The following NRP1 variants were observed in gnomAD, a reference collection of about 807,000 sequenced individuals.
NRP1 encodes neuropilin-1.
In NRP1, 35 loss-of-function variants were observed where a neutral mutation model predicts 106.7. The ratio of observed to expected loss-of-function variants is 0.33; its 90% CI spans 0.25 to 0.43. The LOEUF is 0.43. Ranked by LOEUF, NRP1 falls within the 20% of genes least tolerant of loss-of-function variation. The pLI, the probability that NRP1 is intolerant of heterozygous loss-of-function variation, is 1.00. For missense variants in NRP1, 1,024 were observed against 1,170.4 expected, an observed-to-expected ratio of 0.87 and a Z score of 1.83; for synonymous variants, 437 against 417.9, an observed-to-expected ratio of 1.05 and a Z score of -0.56.
At chr10:33,194,700 A>G (rs919194533) in intron 12 of NRP1, 1 of 517,332 alleles carries the variant, frequency 1.9e-6, no homozygotes, top group East Asian at 5.5e-5. Flanking sequence ...TTGGTTATTT[A>G]AAGGATATGT....
chr10:33,188,453 C>T (rs997963118), intron 13 of NRP1, among the ~76,000 whole-genome samples: 1 of 152,152 alleles, frequency 6.6e-6, no homozygotes, highest in African/African-American at 2.4e-5. Flanking sequence ...GTGCCCAACA[C>T]AGCACCTGCC....
rs1588889788 is a variant in NRP1 at position 33,270,723 on chromosome 10, C to T, written c.382G>A (p.Glu128Lys). 2 of 1,613,916 alleles carry T rather than the reference C, an allele frequency of 1.2e-6. No individual in the cohort carries two copies. The highest frequency in any genetic ancestry group is 1.1e-5 in the South Asian group (1 of 91,018). Residue 128 changes from glutamate to lysine, a missense_variant, in exon 3 of 17, where the codon GAA becomes AAA. By Grantham distance (56) the Glu-to-Lys change is moderately conservative. Around this residue, in one of 5 missense-constraint regions of NRP1, gnomAD observed 279 missense variants for 327.4 expected, o/e 0.85. Coordinates refer to ENST00000374867, the MANE Select transcript of NRP1 (RefSeq NM_003873.7). ...ATGGAAAATCCTGCACCATGTGTTT[C>T]GTAGTCAGAGACAAATTTGATAAAA... is the stretch of plus-strand genomic sequence containing the variant. ...FLFIKFVSDYETHGAGFSIRY... is the reference protein window; with the variant it reads ...FLFIKFVSDYKTHGAGFSIRY...
intron 8 of NRP1, among the ~76,000 whole-genome samples, chr10:33,215,603 T>C (rs754778407): frequency 1.6e-4 from 25 of 152,354 alleles, no homozygotes; most frequent in Admixed American, 3.3e-4. Flanking sequence ...CTATTTTTCT[T>C]TGAAGCAACT....
rs566471890 is a variant in NRP1, at chr10:33,287,915, G to A, written c.249-17059C>T. Among the ~76,000 whole-genome samples, 8 of 152,228 alleles carry A rather than the reference G, an allele frequency of 5.3e-5. No homozygotes were observed. In the East Asian group the frequency reaches 1.4e-3, roughly 26 times the overall value. ...AGCAGCTTGTCTGCCATGGTCTCTC[G>A]AGCATGCTTAGCCCATTCACAACGT... On this transcript the variant is annotated intron_variant, in intron 2 of 16. Transcript: ENST00000374867.
chr10:33,299,550 G>A (rs1287288984), intron 2 of NRP1, among the ~76,000 whole-genome samples: 1 of 152,156 alleles, frequency 6.6e-6, no homozygotes, highest in African/African-American at 2.4e-5. Flanking sequence ...AGGCTGAGGT[G>A]GGAGGATTGC....
At chr10:33,194,024 A>G (rs1369295510) in intron 12 of NRP1, among the ~76,000 whole-genome samples, 1 of 152,114 alleles carries the variant, frequency 6.6e-6, no homozygotes, top group Non-Finnish European at 1.5e-5. Context: ...AACAGGCTAT[A>G]TTTCACAGCT....
intron 4 of NRP1, among the ~76,000 whole-genome samples, chr10:33,261,447 A>T (rs1379361852): frequency 6.6e-6 from 1 of 152,240 alleles, no homozygotes; most frequent in Non-Finnish European, 1.5e-5. Flanking sequence ...TTATTATAAT[A>T]CTATTTTCCT....
At chr10:33,194,781 C>G (rs199608110) in intron 12 of NRP1, 13 of 522,734 alleles carry the variant, frequency 2.5e-5, no homozygotes, top group South Asian at 1.4e-5. Context: ...TCCAGCCTGG[C>G]TAGAAAGACA....
chr10:33,245,202 T>C (rs1015392016), intron 6 of NRP1, among the ~76,000 whole-genome samples: 9 of 152,208 alleles, frequency 5.9e-5, no homozygotes, highest in Admixed American at 5.2e-4. Flanking sequence ...GCTGATTATA[T>C]GAAAAAAATG....
chr10:33,215,705 A>C (rs1265252917), intron 8 of NRP1, among the ~76,000 whole-genome samples: 5 of 152,254 alleles, frequency 3.3e-5, no homozygotes, highest in African/African-American at 1.2e-4. Context: ...CTAAGTCCAC[A>C]TTATCAGCTG....
intron 2 of NRP1, among the ~76,000 whole-genome samples, chr10:33,300,976 A>AAT (rs1230832931): frequency 6.6e-6 from 1 of 152,126 alleles, no homozygotes; most frequent in African/African-American, 2.4e-5. Context: ...AAACTTTCTA[A>AAT]ATTAACTGAG....
intron 2 of NRP1, among the ~76,000 whole-genome samples, chr10:33,295,006 A>G (rs1845285166): frequency 6.6e-6 from 1 of 152,238 alleles, no homozygotes; most frequent in African/African-American, 2.4e-5. Flanking sequence ...AGTGCCCCAC[A>G]GTTATCAAAT....
chr10:33,234,538 C>A (rs1840410700), intron 6 of NRP1, among the ~76,000 whole-genome samples: 1 of 152,084 alleles, frequency 6.6e-6, no homozygotes, highest in Non-Finnish European at 1.5e-5. Context: ...AAAGTTAGCA[C>A]TGGCCACTGA....
chr10:33,216,929 A>G (rs937736460), intron 8 of NRP1, among the ~76,000 whole-genome samples: 2 of 152,208 alleles, frequency 1.3e-5, no homozygotes, highest in Non-Finnish European at 2.9e-5. Context: ...AATGAAAGGC[A>G]GCTGTCATTT....
intron 4 of NRP1, among the ~76,000 whole-genome samples, chr10:33,260,455 T>A (rs1842495687): frequency 6.6e-6 from 1 of 152,190 alleles, no homozygotes; most frequent in Non-Finnish European, 1.5e-5. Context: ...TGGTTGATAA[T>A]TTTTGGAATG....
chr10:33,264,715 T>C (rs1294854449), intron 3 of NRP1, among the ~76,000 whole-genome samples: 1 of 152,196 alleles, frequency 6.6e-6, no homozygotes, highest in East Asian at 1.9e-4. Flanking sequence ...AGAGCATCCA[T>C]GCATATAGTG....
intron 13 of NRP1, among the ~76,000 whole-genome samples, chr10:33,187,162 C>T (rs1222712335): frequency 2.0e-5 from 3 of 152,122 alleles, no homozygotes; most frequent in Non-Finnish European, 2.9e-5. Context: ...CATGATCCAC[C>T]ACGCTGGGCC....
chr10:33,284,817 G>A (rs530142131), intron 2 of NRP1, among the ~76,000 whole-genome samples: 54 of 152,230 alleles, frequency 3.5e-4, no homozygotes, highest in African/African-American at 5.5e-4. Context: ...CCCAACATAC[G>A]CCAATCTCAT....
chr10:33,185,558 G>T (rs1315639352), intron 15 of NRP1, 70 bp downstream of exon 15: 4 of 1,183,160 alleles, frequency 3.4e-6, no homozygotes, highest in African/African-American at 3.0e-5. Flanking sequence ...GCAAAACAAA[G>T]ACCATCATAT....
Sources: allele counts gnomAD v4.1 joint callset (sites outside exome capture counted in the v4.1 genomes callset), GRCh38; gene constraint gnomAD v4.1.1; regional missense constraint gnomAD v4.1.1; transcripts MANE v1.5; gene names NCBI Gene and HGNC (gene_info 2026-07-23, HGNC 2026-07-21).